Variants in ALG12 observed in about 807,000 individuals in gnomAD.
ALG12 encodes the protein ALG12 alpha-1,6-mannosyltransferase.
A neutral mutation model predicts 46.0 loss-of-function variants in ALG12; 36 were observed. The ratio of observed to expected loss-of-function variants is 0.78; its 90% CI spans 0.60 to 1.03. The LOEUF (loss-of-function observed/expected upper bound fraction) is 1.03, where lower values mean the gene tolerates loss of function less well. Among genes scored for constraint, ALG12 ranks in the 50% least tolerant of loss-of-function variants. The probability of loss-of-function intolerance (pLI) is 0.00; values close to 1 mark genes in which losing one functional copy is unlikely to be tolerated. For missense variants in ALG12, 599 were observed against 633.5 expected, an observed-to-expected ratio of 0.95 and a Z score of 0.58; for synonymous variants, 326 against 291.6, an observed-to-expected ratio of 1.12 and a Z score of -1.20.
chr22:49,869,698 G>A, the ALG12 span, among the ~76,000 whole-genome samples: 1 of 152,252 alleles, frequency 6.6e-6, no homozygotes, highest in Non-Finnish European at 1.5e-5. Flanking sequence ...AAAGTGGAAA[G>A]GGTAGCATAA....
intron 6 of ALG12, among the ~76,000 whole-genome samples, chr22:49,908,913 C>T (rs1350234977): frequency 6.7e-6 from 1 of 148,720 alleles, no homozygotes; most frequent in Non-Finnish European, 1.5e-5. Context: ...GATCATACCA[C>T]TGTACTCCAG....
chr22:49,915,295 A>C (rs543789890), intron 1 of ALG12, among the ~76,000 whole-genome samples: 1 of 152,132 alleles, frequency 6.6e-6, no homozygotes, highest in African/African-American at 2.4e-5. Context: ...GCGGTGGCTC[A>C]TTCCCATAAT....
In ALG12 at chr22:49,904,196, T is replaced by G; in HGVS notation, c.1221A>C (p.Gln407His). Reference protein sequence around the residue: ...AAQTGVSRFLQVNSAWRYDKR... With the variant: ...AAQTGVSRFLHVNSAWRYDKR... Reference sequence around the variant, plus strand: ...GATCCTACCTCCAGGCGCTGTTGACTTGGAGAAACCGAGACACACCTGTCT... The same window carrying G: ...GATCCTACCTCCAGGCGCTGTTGACGTGGAGAAACCGAGACACACCTGTCT... The change falls in exon 9 of 10, where the codon CAA (glutamine) becomes CAC (histidine). Residue 407 changes from glutamine (Q) to histidine (H), a missense_variant. Physicochemically the swap from Gln to His is conservative, Grantham distance 24 (BLOSUM62 0). Coordinates refer to ENST00000330817, the MANE Select transcript of ALG12 (RefSeq NM_024105.4). 6.2e-7 allele frequency: 1 copy of G among 1,614,134 alleles called. No homozygotes were observed. The highest frequency in any genetic ancestry group is 8.5e-7 in the Non-Finnish European group (1 of 1,179,994).
chr22:49,886,603 A>G, the ALG12 span: 3 of 1,572,296 alleles, frequency 1.9e-6, no homozygotes, highest in Non-Finnish European at 2.6e-6. The surrounding 1 kb of genome is among the most constrained non-coding windows in gnomAD (Gnocchi z 7.7). Context: ...CATCGACACC[A>G]TGCTGCGCTC....
chr22:49,878,885 A>T, the ALG12 span, among the ~76,000 whole-genome samples: 1 of 151,888 alleles, frequency 6.6e-6, no homozygotes, highest in Non-Finnish European at 1.5e-5. Flanking sequence ...TGGCTCATGC[A>T]TGTAACCCCA....
the ALG12 span, chr22:49,888,801 A>C: frequency 6.0e-6 from 1 of 167,258 alleles, no homozygotes; most frequent in Non-Finnish European, 1.5e-5. Context: ...AGTGCTGGTC[A>C]GGGACAGTGC....
the ALG12 span, among the ~76,000 whole-genome samples, chr22:49,864,937 G>C: frequency 7.8e-3 from 88 of 11,282 alleles, 2 homozygotes; most frequent in South Asian, 0.04. Flanking sequence ...ATCCCAGCAA[G>C]CCCCCCCCCC....
At chr22:49,889,984 A>T in the ALG12 span, 1 of 167,100 alleles carries the variant, frequency 6.0e-6, no homozygotes, top group Admixed American at 6.5e-5. Context: ...CAGTGAATGA[A>T]ATTACCAGTC....
chr22:49,890,355 A>G, the ALG12 span, among the ~76,000 whole-genome samples: 14 of 152,292 alleles, frequency 9.2e-5, no homozygotes, highest in South Asian at 6.2e-4. Flanking sequence ...TTATTTCTCA[A>G]TGTAAGCTCC....
In ALG12 at chr22:49,900,741, C is replaced by A. The variant is rs1159578756; in HGVS notation, c.*3097G>T. 2.0e-5 allele frequency: 3 copies of A among 152,242 alleles called. No individual in the cohort carries two copies. Among genetic ancestry groups the A allele is most frequent in the Non-Finnish European group, 4.4e-5 (3 of 68,092 alleles). The allele number at this position is 152,242 out of a possible 1,614,324, so 9.4% of individuals were successfully genotyped here. Reference sequence around the variant, plus strand: ...GGTGGAGATGGGGGGTGGGGGAGAACCGTGCAAGGTGGGACGGAATCCAGG... The same window carrying A: ...GGTGGAGATGGGGGGTGGGGGAGAAACGTGCAAGGTGGGACGGAATCCAGG... On this transcript the variant is annotated 3_prime_UTR_variant, in exon 10 of 10. Coordinates refer to ENST00000330817, the MANE Select transcript of ALG12 (RefSeq NM_024105.4).
At chr22:49,878,629 G>C in the ALG12 span, among the ~76,000 whole-genome samples, 1 of 152,188 alleles carries the variant, frequency 6.6e-6, no homozygotes, top group African/African-American at 2.4e-5. Flanking sequence ...ACAGAAGAAA[G>C]TCTTTGAATT....
At chr22:49,917,263 A>T (rs1051732955) in intron 1 of ALG12, among the ~76,000 whole-genome samples, 1 of 152,230 alleles carries the variant, frequency 6.6e-6, no homozygotes, top group Non-Finnish European at 1.5e-5. Flanking sequence ...AAACGGGCCC[A>T]GGCCATGACA....
At chr22:49,885,180 A>C in the ALG12 span, 1 of 1,613,728 alleles carries the variant, frequency 6.2e-7, no homozygotes, top group East Asian at 2.2e-5. Context: ...GGCGCCATCC[A>C]GAAGTTGTCG....
At chr22:49,907,614 G>C in intron 7 of ALG12, 107 bp downstream of exon 7, 1 of 1,274,892 alleles carries the variant, frequency 7.8e-7, no homozygotes. Context: ...GACAGAGCAA[G>C]ACCCTGTTTC....
chr22:49,910,245 GTT>G (rs1329677469), intron 4 of ALG12, among the ~76,000 whole-genome samples, 157 bp from the exon 5 acceptor site: 2 of 152,256 alleles, frequency 1.3e-5, no homozygotes, highest in African/African-American at 4.8e-5. Flanking sequence ...CACCTATGCT[GTT>G]GGCCAGGAAG....
Position 49,913,637 on chromosome 22 carries a change from A to G in ALG12, c.129T>C (p.His43=). ...VEESFNLQAT[H]DLLYHWQDLE... is the part of the protein sequence containing the mutation. The stretch of plus-strand genomic sequence containing the variant: ...GGTCTTGCCAGTGGTAGAGCAGGTC[A>G]TGTGTGGCCTGCAGGTTGAAGCTCT... The change falls in exon 2 of 10, where the codon CAT becomes CAC. Residue 43 remains histidine (H), a synonymous_variant. Transcript: ENST00000330817. The G allele has an allele frequency of 6.2e-7, 1 of 1,614,130 alleles. No homozygotes were observed. Among genetic ancestry groups the G allele is most frequent in the Non-Finnish European group, 8.5e-7 (1 of 1,180,018 alleles).
In ALG12 at chr22:49,903,261, A is replaced by G. The variant is rs1273719413; in HGVS notation, c.*577T>C. 2.2e-6 allele frequency: 1 copy of G among 446,140 alleles called. No homozygotes were observed. The highest frequency in any genetic ancestry group is 6.9e-5 in the East Asian group (1 of 14,468). 27.6% of individuals were successfully genotyped at this position (446,140 alleles called of 1,614,324 possible). A position where few individuals can be genotyped will look rare whatever the true frequency, so the allele number is the denominator to read the frequency against. On this transcript the variant is annotated 3_prime_UTR_variant, in exon 10 of 10. Transcript: ENST00000330817. ...TTTATTGCCTTATTCTTTTTATCTCATTCCTTTTTGAATGTGTTTATCTCC... is the reference window on the plus strand; with the variant it reads ...TTTATTGCCTTATTCTTTTTATCTCGTTCCTTTTTGAATGTGTTTATCTCC...
In ALG12 at chr22:49,903,985, G is replaced by C. The variant is rs2060528558; in HGVS notation, c.1320C>G (p.Leu440=). 1 of 1,614,102 alleles carries C rather than the reference G, an allele frequency of 6.2e-7. No homozygotes were observed. The highest frequency in any genetic ancestry group is 8.5e-7 in the Non-Finnish European group (1 of 1,180,030). Residue 440 remains leucine (L), a synonymous_variant, in exon 10 of 10, where the codon CTC becomes CTG. Coordinates refer to ENST00000330817, the MANE Select transcript of ALG12 (RefSeq NM_024105.4). ...THILMEAAPG[L]LALYRDTHRV... ...GGTGTGTGTCCCTGTAGAGGGCCAG[G>C]AGCCCAGGGGCCGCCTCCATGAGGA...
At chr22:49,911,447 T>C (rs1440107821) in intron 3 of ALG12, among the ~76,000 whole-genome samples, 1 of 117,716 alleles carries the variant, frequency 8.5e-6, no homozygotes, top group Non-Finnish European at 1.9e-5. Context: ...TTTTTTTTTC[T>C]TTTTAAGGAC....
Sources: gnomAD v4.1 joint callset for allele counts (sites outside exome capture counted in the v4.1 genomes callset) on GRCh38, gnomAD v4.1.1 for gene constraint, Gnocchi (gnomAD v3.1) non-coding constraint, MANE v1.5 for transcripts, NCBI Gene and HGNC (gene_info 2026-07-23, HGNC 2026-07-21) for gene names.